The following TRAPPC3L variants were observed in gnomAD, a reference collection of about 807,000 sequenced individuals.
The protein encoded by TRAPPC3L is trafficking protein particle complex subunit 3L, also known as trafficking protein particle complex subunit 3-like protein.
Under a neutral mutation model 23.7 loss-of-function variants are expected in TRAPPC3L, and 23 were observed. That is an observed-to-expected ratio of 0.97 (90% confidence interval 0.70 to 1.37). TRAPPC3L has a LOEUF of 1.37. Among genes scored for constraint, TRAPPC3L ranks in the 40% most tolerant of loss-of-function variants. TRAPPC3L has a pLI of 0.00. For synonymous variants in TRAPPC3L, 81 were observed against 77.9 expected (o/e 1.04, Z -0.21); for missense variants, 212 against 216.8 (o/e 0.98, Z 0.14).
At chr6:116,526,529 G>A (rs1423642192) in intron 3 of TRAPPC3L, among the ~76,000 whole-genome samples, 1 of 152,172 alleles carries the variant, frequency 6.6e-6, no homozygotes, top group African/African-American at 2.4e-5. Context: ...TCAAAAGTAA[G>A]TTCTGAAAGT....
chr6:116,497,931 C>T (rs1258363266), intron 4 of TRAPPC3L, among the ~76,000 whole-genome samples: 3 of 152,210 alleles, frequency 2.0e-5, no homozygotes, highest in African/African-American at 2.4e-5. Context: ...AATTCCTTAG[C>T]TAGCCAGCCT....
Position 116,516,061 on chromosome 6 carries a change from C to A in TRAPPC3L, c.241-15395G>T. The stretch of plus-strand genomic sequence containing the variant: ...TGTGATCCTCCTAACGTATCACCAG[C>A]AACCTGTGTGTCTCTGTATTTTCTT... On this transcript the variant is annotated intron_variant, in intron 3 of 4. Coordinates refer to ENST00000368602, the MANE Select transcript of TRAPPC3L (RefSeq NM_001139444.3). The A allele has an allele frequency of 4.1e-6, 6 of 1,478,146 alleles. 1 individual carries two copies. The Middle Eastern group carries it at 9.3e-4, about 229-fold the overall frequency. 91.6% of individuals were successfully genotyped at this position (1,478,146 alleles called of 1,614,324 possible). A position where few individuals can be genotyped will look rare whatever the true frequency, so the allele number is the denominator to read the frequency against.
Position 116,543,320 on chromosome 6 carries a change from G to A in TRAPPC3L, c.123C>T (p.Asn41=). Reference sequence around the variant, plus strand: ...CCACTTACATTTTATCTAAATATTGGTTCACATCTTCATCCTTCTCATAAT... The same window carrying A: ...CCACTTACATTTTATCTAAATATTGATTCACATCTTCATCCTTCTCATAAT... ...CKDYEKDEDV[N]QYLDKMGYGI... The change falls in exon 2 of 5, where the codon AAC becomes AAT. Residue 41 remains asparagine, a synonymous_variant. Transcript: ENST00000368602. The A allele has an allele frequency of 6.5e-7, 1 of 1,549,134 alleles. No individual in the cohort carries two copies. Among genetic ancestry groups the A allele is most frequent in the South Asian group, 1.2e-5 (1 of 83,872 alleles).
chr6:116,514,715 G>A (rs1004081214), intron 3 of TRAPPC3L, among the ~76,000 whole-genome samples: 2 of 152,166 alleles, frequency 1.3e-5, no homozygotes, highest in Non-Finnish European at 2.9e-5. Flanking sequence ...CAAAGGTTGG[G>A]AACCACTGAT....
chr6:116,499,722 T>C (rs1389979118), intron 4 of TRAPPC3L, among the ~76,000 whole-genome samples: 2 of 152,216 alleles, frequency 1.3e-5, no homozygotes, highest in African/African-American at 4.8e-5. Flanking sequence ...AAGGCTTTTA[T>C]CTAACTCCTA....
intron 3 of TRAPPC3L, among the ~76,000 whole-genome samples, chr6:116,539,889 A>G (rs183257792): frequency 6.6e-6 from 1 of 152,322 alleles, no homozygotes; most frequent in East Asian, 1.9e-4. Flanking sequence ...TGTCTCCTAC[A>G]TATCAGGGCT....
intron 3 of TRAPPC3L, among the ~76,000 whole-genome samples, chr6:116,506,017 CG>C (rs1772000889): frequency 1.3e-5 from 2 of 152,020 alleles, no homozygotes; most frequent in South Asian, 4.1e-4. Context: ...AATAAACAAA[CG>C]GGATCTAATT....
At chr6:116,523,074 T>C (rs1317715848) in intron 3 of TRAPPC3L, 1 of 151,988 alleles carries the variant, frequency 6.6e-6, no homozygotes, top group Non-Finnish European at 1.5e-5. Flanking sequence ...TCTCAGGTGA[T>C]ACTGATGCTG....
At chr6:116,522,754 A>T (rs1313361889) in intron 3 of TRAPPC3L, 2 of 152,146 alleles carry the variant, frequency 1.3e-5, no homozygotes, top group African/African-American at 4.8e-5. Flanking sequence ...CTGGAAAGAG[A>T]TTGTTCTTCT....
At chr6:116,528,214 A>C (rs1420478170) in intron 3 of TRAPPC3L, among the ~76,000 whole-genome samples, 2 of 152,238 alleles carry the variant, frequency 1.3e-5, no homozygotes, top group Non-Finnish European at 2.9e-5. Flanking sequence ...GTTTAAGGGT[A>C]ATTCCTCTGC....
At chr6:116,507,275 G>A (rs1772022414) in intron 3 of TRAPPC3L, among the ~76,000 whole-genome samples, 2 of 152,140 alleles carry the variant, frequency 1.3e-5, no homozygotes, top group African/African-American at 2.4e-5. Context: ...TGCCACAACA[G>A]TGTGGTGACA....
intron 3 of TRAPPC3L, chr6:116,517,414 C>T (rs1302166267): frequency 6.6e-6 from 1 of 152,046 alleles, no homozygotes; most frequent in East Asian, 1.9e-4. Context: ...TATATATGTA[C>T]ATAAATTCTC....
rs977220302 is a variant in TRAPPC3L at position 116,543,922 on chromosome 6, C to T, written c.43-522G>A. 15 of 1,357,068 alleles carry T rather than the reference C, an allele frequency of 1.1e-5. No individual in the cohort carries two copies. In the African/African-American group the frequency reaches 1.8e-4, roughly 16 times the overall value. 84.1% of individuals were successfully genotyped at this position (1,357,068 alleles called of 1,614,324 possible). A position where few individuals can be genotyped will look rare whatever the true frequency, so the allele number is the denominator to read the frequency against. ...GAGAAAAAAGGGGAATGTGATATTTCCTTATAGTTCTCCAAAATATGTCCC... is the reference window on the plus strand; with the variant it reads ...GAGAAAAAAGGGGAATGTGATATTTTCTTATAGTTCTCCAAAATATGTCCC... On this transcript the variant is annotated intron_variant, in intron 1 of 4. Coordinates refer to ENST00000368602, the MANE Select transcript of TRAPPC3L (RefSeq NM_001139444.3).
At chr6:116,526,918 A>G (rs917531588) in intron 3 of TRAPPC3L, among the ~76,000 whole-genome samples, 2 of 152,158 alleles carry the variant, frequency 1.3e-5, no homozygotes, top group African/African-American at 4.8e-5. Flanking sequence ...TGACATACAT[A>G]TTCATTATTT....
intron 3 of TRAPPC3L, chr6:116,517,236 T>C (rs150587935): frequency 3.3e-5 from 5 of 152,218 alleles, no homozygotes; most frequent in African/African-American, 7.2e-5. Context: ...GACACAAACA[T>C]TCAGACTATA....
rs188146744 is a variant in TRAPPC3L, at chr6:116,505,699, C to T, written c.241-5033G>A. Among the ~76,000 whole-genome samples the T allele has an allele frequency of 4.1e-3, 625 of 152,182 alleles. 4 individuals are homozygous for T. Among genetic ancestry groups the T allele is most frequent in the African/African-American group, 0.014 (585 of 41,544 alleles). On this transcript the variant is annotated intron_variant, in intron 3 of 4. Coordinates refer to ENST00000368602, the MANE Select transcript of TRAPPC3L (RefSeq NM_001139444.3). ...TAGACCAATGGAACAGAACAGAGGC[C>T]TCAGAAATAACACCACACCTCTACA...
chr6:116,497,212 T>G, intron 4 of TRAPPC3L, 139 bp from the exon 5 acceptor site: 24 of 968,868 alleles, frequency 2.5e-5, no homozygotes, highest in Non-Finnish European at 3.3e-5. Flanking sequence ...AAAGGGCCCT[T>G]TACTGAGTGT....
intron 3 of TRAPPC3L, chr6:116,512,402 G>C (rs748738728): frequency 3.9e-6 from 3 of 760,874 alleles, no homozygotes; most frequent in Non-Finnish European, 6.1e-6. Flanking sequence ...CTTTTGAAAG[G>C]CTGGGTGGCT....
intron 3 of TRAPPC3L, among the ~76,000 whole-genome samples, chr6:116,504,115 A>G (rs1317900633): frequency 6.6e-6 from 1 of 152,208 alleles, no homozygotes; most frequent in Non-Finnish European, 1.5e-5. Flanking sequence ...AAGATCAACA[A>G]AATAGATCTA....
Sources: allele counts gnomAD v4.1 joint callset (sites outside exome capture counted in the v4.1 genomes callset), GRCh38; gene constraint gnomAD v4.1.1; transcripts MANE v1.5; gene names NCBI Gene and HGNC (gene_info 2026-07-23, HGNC 2026-07-21).